Variants in NBAS observed in about 807,000 individuals in gnomAD.
NBAS encodes NBAS subunit of NRZ tethering complex.
Under a neutral mutation model 302.5 loss-of-function variants are expected in NBAS, and 219 were observed. That is an observed-to-expected ratio of 0.72 (90% confidence interval 0.65 to 0.81). The LOEUF is 0.81. Among genes scored for constraint, NBAS ranks in the 30% least tolerant of loss-of-function variants. The probability of loss-of-function intolerance (pLI) is 0.00; values close to 1 mark genes in which losing one functional copy is unlikely to be tolerated. For missense variants in NBAS, 2,932 were observed against 2,841.6 expected, an observed-to-expected ratio of 1.03 and a Z score of -0.72; for synonymous variants, 1,118 against 1,021.6, an observed-to-expected ratio of 1.09 and a Z score of -1.80.
the NBAS span, among the ~76,000 whole-genome samples, chr2:15,089,505 CT>C: frequency 6.6e-6 from 1 of 151,988 alleles, no homozygotes; most frequent in Non-Finnish European, 1.5e-5. Context: ...TAGTTTAGAG[CT>C]AGGGCCACAG....
Position 15,323,889 on chromosome 2 carries a change from G to C in NBAS, c.4582+3861C>G, listed in dbSNP as rs57449132. On this transcript the variant is annotated intron_variant, in intron 38 of 51. Coordinates refer to ENST00000281513, the MANE Select transcript of NBAS (RefSeq NM_015909.4). Reference sequence around the variant, plus strand: ...AAACAAAACAAAACAAAAAAACCCGGGCCCAACTCCACAGTTTCTGAAAAA... The same window carrying C: ...AAACAAAACAAAACAAAAAAACCCGCGCCCAACTCCACAGTTTCTGAAAAA... Among the ~76,000 whole-genome samples the C allele has an allele frequency of 4.4e-3, 616 of 138,894 alleles. 7 individuals carry two copies. The highest frequency in any genetic ancestry group is 0.016 in the African/African-American group (576 of 35,658). The allele number at this position is 138,894 out of a possible 152,430, so 91.1% of individuals were successfully genotyped here.
At chr2:15,269,033 G>T (rs932049041) in intron 44 of NBAS, among the ~76,000 whole-genome samples, 2 of 152,154 alleles carry the variant, frequency 1.3e-5, no homozygotes, top group Admixed American at 1.3e-4. Flanking sequence ...TCAGTGGAGA[G>T]TTCTGCCCTG....
rs964788053 is a variant in NBAS, at chr2:15,397,571, A to G, written c.3072-1096T>C. On this transcript the variant is annotated intron_variant, in intron 26 of 51. Coordinates refer to ENST00000281513, the MANE Select transcript of NBAS (RefSeq NM_015909.4). Reference sequence around the variant, plus strand: ...AATTGCACAACCCACACAGTAACGTAGCTTCACATACAGCTTGGGAAGCAC... The same window carrying G: ...AATTGCACAACCCACACAGTAACGTGGCTTCACATACAGCTTGGGAAGCAC... The G allele has an allele frequency of 1.3e-5, 8 of 619,626 alleles. No individual in the cohort carries two copies. The Admixed American group carries it at 1.5e-4, about 12-fold the overall frequency. 38.4% of individuals were successfully genotyped at this position (619,626 alleles called of 1,614,324 possible). A position where few individuals can be genotyped will look rare whatever the true frequency, so the allele number is the denominator to read the frequency against.
chr2:15,462,237 AGCT>A (rs1679538415), intron 19 of NBAS, among the ~76,000 whole-genome samples: 1 of 152,178 alleles, frequency 6.6e-6, no homozygotes, highest in Non-Finnish European at 1.5e-5. Context: ...GTGCTAAGGG[AGCT>A]GTGATAGGCA....
intron 27 of NBAS, among the ~76,000 whole-genome samples, chr2:15,395,353 A>T: frequency 6.6e-6 from 1 of 151,852 alleles, no homozygotes; most frequent in East Asian, 1.9e-4. Flanking sequence ...AACCCAACAA[A>T]CCTTAGTCAA....
the NBAS span, among the ~76,000 whole-genome samples, chr2:14,907,287 C>A: frequency 6.6e-6 from 1 of 152,232 alleles, no homozygotes; most frequent in South Asian, 2.1e-4. Context: ...ATGGTGTCCT[C>A]TGTTCGGAAG....
At chr2:14,844,980 C>T in the NBAS span, among the ~76,000 whole-genome samples, 3 of 152,212 alleles carry the variant, frequency 2.0e-5, no homozygotes, top group African/African-American at 7.2e-5. Flanking sequence ...GCAGAACATG[C>T]CACCCTCAAG....
chr2:14,875,845 C>G, the NBAS span, among the ~76,000 whole-genome samples: 1 of 152,158 alleles, frequency 6.6e-6, no homozygotes, highest in Non-Finnish European at 1.5e-5. Context: ...TTGTCCTCCT[C>G]TCTCTGGAAA....
the NBAS span, among the ~76,000 whole-genome samples, chr2:15,154,752 G>C: frequency 6.6e-6 from 1 of 152,150 alleles, no homozygotes; most frequent in Non-Finnish European, 1.5e-5. Flanking sequence ...TCAGGGTCCA[G>C]CACCACACAC....
chr2:15,156,964 C>T, the NBAS span, among the ~76,000 whole-genome samples: 5 of 152,164 alleles, frequency 3.3e-5, no homozygotes, highest in African/African-American at 1.2e-4. Flanking sequence ...CATCCTCCCT[C>T]CCTTTGACCC....
At chr2:15,024,700 G>C in the NBAS span, among the ~76,000 whole-genome samples, 1 of 152,124 alleles carries the variant, frequency 6.6e-6, no homozygotes, top group Admixed American at 6.5e-5. Flanking sequence ...TGTTTGATTT[G>C]CATTTCTCCA....
intron 7 of NBAS, among the ~76,000 whole-genome samples, chr2:15,537,993 T>C (rs1488616943): frequency 1.3e-5 from 2 of 152,152 alleles, no homozygotes; most frequent in Non-Finnish European, 2.9e-5. Flanking sequence ...AATTGAGATA[T>C]GTCATAAATA....
the NBAS span, among the ~76,000 whole-genome samples, chr2:14,908,315 A>G: frequency 1.3e-5 from 2 of 152,198 alleles, no homozygotes; most frequent in South Asian, 4.1e-4. Flanking sequence ...GTGAGCCGAG[A>G]TTGCACCACT....
At chr2:14,889,204 G>A in the NBAS span, among the ~76,000 whole-genome samples, 1 of 152,168 alleles carries the variant, frequency 6.6e-6, no homozygotes, top group Non-Finnish European at 1.5e-5. Flanking sequence ...ATTTAAGCTT[G>A]AGTATCTGGT....
the NBAS span, among the ~76,000 whole-genome samples, chr2:14,863,750 A>T: frequency 2.6e-5 from 4 of 152,214 alleles, no homozygotes; most frequent in Non-Finnish European, 5.9e-5. Context: ...TAATACATGG[A>T]TATGTCAACA....
chr2:15,359,694 C>CA lies in NBAS; in HGVS notation c.3818-3279dup, dbSNP rs369814990. On this transcript the variant is annotated intron_variant, in intron 32 of 51. Transcript: ENST00000281513. ...TTATTTGAATGGTAGGCTATCCGGA[C>CA]AAAAAAAATTGTGATTATCTTTTTA... 9.2e-5 allele frequency among the ~76,000 whole-genome samples: 14 copies of CA among 151,654 alleles called. 1 individual carries two copies. In the South Asian group the frequency reaches 1.5e-3, roughly 16 times the overall value.
intron 19 of NBAS, 42 bp downstream of exon 19, chr2:15,467,287 G>A (rs752195412): frequency 7.3e-7 from 1 of 1,360,860 alleles, no homozygotes; most frequent in East Asian, 2.3e-5. Flanking sequence ...TATAATGACA[G>A]ATCAAATGAA....
chr2:15,141,386 T>C, the NBAS span, among the ~76,000 whole-genome samples: 19 of 152,168 alleles, frequency 1.2e-4, no homozygotes, highest in African/African-American at 4.6e-4. Context: ...ACAGCACCCG[T>C]TTTACAGACG....
intron 32 of NBAS, among the ~76,000 whole-genome samples, chr2:15,363,082 C>G (rs1462981590): frequency 6.6e-6 from 1 of 152,042 alleles, no homozygotes; most frequent in African/African-American, 2.4e-5. Context: ...AAAAAACAGT[C>G]AGAAAAAAAA....
Sources: allele counts gnomAD v4.1 joint callset (sites outside exome capture counted in the v4.1 genomes callset), GRCh38; gene constraint gnomAD v4.1.1; transcripts MANE v1.5; gene names NCBI Gene and HGNC (gene_info 2026-07-23, HGNC 2026-07-21).